Variants in DPT observed in about 807,000 individuals in gnomAD.
The protein encoded by DPT is tyrosine-rich acidic matrix protein.
A neutral mutation model predicts 31.2 loss-of-function variants in DPT; 21 were observed. That is an observed-to-expected ratio of 0.67 (90% CI 0.48 to 0.97). The LOEUF is 0.97. DPT is among the 50% of genes least tolerant of loss of function. DPT has a pLI of 0.00. For synonymous variants in DPT, 91 were observed against 86.9 expected (o/e 1.05, Z -0.26); for missense variants, 262 against 258.8 (o/e 1.01, Z -0.08).
intron 1 of DPT, among the ~76,000 whole-genome samples, chr1:168,718,925 C>T (rs1018731894): frequency 3.3e-5 from 5 of 152,212 alleles, no homozygotes; most frequent in Admixed American, 1.3e-4. Flanking sequence ...ATTCATAGGC[C>T]CTCCCTGAGC....
chr1:168,705,698 A>G (rs577219947), intron 2 of DPT, among the ~76,000 whole-genome samples: 24 of 152,190 alleles, frequency 1.6e-4, no homozygotes, highest in Non-Finnish European at 3.1e-4. Context: ...TTAGCACATT[A>G]CTTTAAATAT....
chr1:168,713,068 G>A (rs1649902555), intron 2 of DPT, among the ~76,000 whole-genome samples: 1 of 152,126 alleles, frequency 6.6e-6, no homozygotes, highest in South Asian at 2.1e-4. Context: ...TGAAACTCAA[G>A]TTTCTTTTTG....
chr1:168,700,931 A>T, intron 3 of DPT, 86 bp downstream of exon 3: 1 of 820,422 alleles, frequency 1.2e-6, no homozygotes, highest in Non-Finnish European at 2.1e-6. Context: ...GTGTGTGTTT[A>T]TAAATTCCTG....
At chr1:168,714,081 C>T in intron 2 of DPT, 140 bp downstream of exon 2, 4 of 1,088,524 alleles carry the variant, frequency 3.7e-6, no homozygotes, top group Non-Finnish European at 5.2e-6. Context: ...CCTCCTAAGT[C>T]ATTCATTCAT....
chr1:168,716,311 GTGAGAAGAAT>G (rs1267850361), intron 1 of DPT, among the ~76,000 whole-genome samples: 2 of 151,878 alleles, frequency 1.3e-5, no homozygotes, highest in African/African-American at 2.4e-5. Context: ...CTATTATGTT[GTGAGAAGAAT>G]TGAGAGATGG....
At chr1:168,725,336 C>CTCTT (rs1023051211) in intron 1 of DPT, among the ~76,000 whole-genome samples, 2 of 150,310 alleles carry the variant, frequency 1.3e-5, no homozygotes, top group South Asian at 2.1e-4. Flanking sequence ...TTCTCTCTCT[C>CTCTT]TCTTTCTTTC....
At position 168,701,163 on chromosome 1, in the gene DPT, CAT is replaced by C. The variant is rs773642724; in HGVS notation, c.432-41_432-40del. 74 of 1,454,912 alleles carry C rather than the reference CAT, an allele frequency of 5.1e-5. 1 individual carries two copies. The highest frequency in any genetic ancestry group is 6.6e-5 in the Non-Finnish European group (69 of 1,037,680). The allele number at this position is 1,454,912 out of a possible 1,614,324, so 90.1% of individuals were successfully genotyped here. A position where few individuals can be genotyped will look rare whatever the true frequency, so the allele number is the denominator to read the frequency against. ...ACAAAGGTTAGAGGAAAATGAAACA[CAT>C]TATTATTGCTGGGAGCAAACAGAAG... On this transcript the variant is annotated intron_variant, in intron 2 of 3. Transcript: ENST00000367817.
intron 2 of DPT, among the ~76,000 whole-genome samples, chr1:168,712,415 T>C (rs1218584392): frequency 6.6e-6 from 1 of 152,184 alleles, no homozygotes; most frequent in Non-Finnish European, 1.5e-5. Context: ...TCCTTTGGAG[T>C]CTGATTCAGG....
At chr1:168,716,758 T>C (rs1242971841) in intron 1 of DPT, among the ~76,000 whole-genome samples, 1 of 152,166 alleles carries the variant, frequency 6.6e-6, no homozygotes, top group Non-Finnish European at 1.5e-5. Flanking sequence ...CCTGTGTCAA[T>C]GTGTTCTCAT....
intron 1 of DPT, among the ~76,000 whole-genome samples, chr1:168,718,580 G>A (rs1650035453): frequency 6.6e-6 from 1 of 152,162 alleles, no homozygotes; most frequent in African/African-American, 2.4e-5. Context: ...CTTTGTGGGG[G>A]TACCTTTTCA....
At chr1:168,718,986 A>G (rs1650042645) in intron 1 of DPT, among the ~76,000 whole-genome samples, 1 of 152,190 alleles carries the variant, frequency 6.6e-6, no homozygotes, top group Admixed American at 6.5e-5. Context: ...TTAGCCACCC[A>G]CTTTGGAGCA....
intron 1 of DPT, among the ~76,000 whole-genome samples, chr1:168,719,704 C>T (rs915050281): frequency 1.3e-5 from 2 of 151,874 alleles, no homozygotes; most frequent in African/African-American, 2.4e-5. Context: ...ATAACATGAC[C>T]GCAGCTCTAA....
chr1:168,696,682 GGGAA>G (rs1229530205), intron 3 of DPT, 67 bp from the exon 4 acceptor site: 24 of 1,380,628 alleles, frequency 1.7e-5, no homozygotes, highest in Non-Finnish European at 2.4e-5. Flanking sequence ...ATCGCTGCTG[GGGAA>G]ACAGCAGCAG....
intron 2 of DPT, among the ~76,000 whole-genome samples, chr1:168,710,153 G>C (rs996786540): frequency 6.6e-6 from 1 of 152,180 alleles, no homozygotes; most frequent in Admixed American, 6.5e-5. Flanking sequence ...AAAATGTCTA[G>C]ACACACCAGC....
intron 2 of DPT, among the ~76,000 whole-genome samples, chr1:168,703,005 T>C (rs1186126929): frequency 6.6e-6 from 1 of 152,190 alleles, no homozygotes; most frequent in Admixed American, 6.5e-5. Flanking sequence ...GTATTAAAGT[T>C]AACCCAAGGA....
At chr1:168,719,220 C>T (rs1333001462) in intron 1 of DPT, among the ~76,000 whole-genome samples, 1 of 152,182 alleles carries the variant, frequency 6.6e-6, no homozygotes, top group African/African-American at 2.4e-5. Flanking sequence ...GGTGAGCAAT[C>T]CCTTTTCTTG....
At chr1:168,725,743 C>A (rs1445618694) in intron 1 of DPT, among the ~76,000 whole-genome samples, 1 of 152,176 alleles carries the variant, frequency 6.6e-6, no homozygotes, top group Non-Finnish European at 1.5e-5. Context: ...GATGGCAACA[C>A]CTTTTAAAGA....
intron 2 of DPT, among the ~76,000 whole-genome samples, chr1:168,713,008 G>A (rs1230434321): frequency 1.3e-5 from 2 of 152,068 alleles, no homozygotes; most frequent in Non-Finnish European, 2.9e-5. Flanking sequence ...GAGGGGAGAA[G>A]GGGAAAGGGG....
In DPT at chr1:168,714,109, C is replaced by T. The variant is rs1046144511; in HGVS notation, c.431+112G>A. 2.0e-5 allele frequency: 28 copies of T among 1,419,710 alleles called. No individual in the cohort carries two copies. In the Admixed American group the frequency reaches 3.0e-4, roughly 15 times the overall value. 87.9% of individuals were successfully genotyped at this position (1,419,710 alleles called of 1,614,324 possible). On this transcript the variant is annotated intron_variant, in intron 2 of 3. Transcript: ENST00000367817. ...TCATTCATTCTTGTCTATATGCCAG[C>T]GCTGCCTTCCAGGCTTGTGTGTGAC... is the stretch of plus-strand genomic sequence containing the variant.
Sources: gnomAD v4.1 joint callset for allele counts (sites outside exome capture counted in the v4.1 genomes callset) on GRCh38, gnomAD v4.1.1 for gene constraint, MANE v1.5 for transcripts, NCBI Gene and HGNC (gene_info 2026-07-23, HGNC 2026-07-21) for gene names.